Variants in FGF14 observed in about 807,000 individuals in gnomAD.
FGF14 encodes the protein fibroblast growth factor homologous factor 4.
A neutral mutation model predicts 25.5 loss-of-function variants in FGF14; 5 were observed. That is an observed-to-expected ratio of 0.20 (90% CI 0.10 to 0.41). FGF14 has a LOEUF of 0.41. Among genes scored for constraint, FGF14 ranks in the 10% least tolerant of loss-of-function variants. The pLI, the probability that FGF14 is intolerant of heterozygous loss-of-function variation, is 1.00. For synonymous variants in FGF14, 138 were observed against 118.3 expected, an observed-to-expected ratio of 1.17 and a Z score of -1.08; for missense variants, 222 against 320.1, an observed-to-expected ratio of 0.69 and a Z score of 2.34.
intron 1 of FGF14, among the ~76,000 whole-genome samples, chr13:102,134,790 T>C (rs946711649): frequency 6.6e-6 from 1 of 152,230 alleles, no homozygotes; most frequent in Non-Finnish European, 1.5e-5. Flanking sequence ...AAGGATTTTT[T>C]AATTAAACAA....
chr13:102,032,012 G>A (rs2041236795), intron 1 of FGF14, among the ~76,000 whole-genome samples: 1 of 152,044 alleles, frequency 6.6e-6, no homozygotes, highest in Non-Finnish European at 1.5e-5. Context: ...AAAATGATGA[G>A]GGGATGTTGA....
chr13:101,993,574 T>C (rs778610063), intron 1 of FGF14, among the ~76,000 whole-genome samples: 2 of 151,990 alleles, frequency 1.3e-5, no homozygotes, highest in Non-Finnish European at 2.9e-5. Context: ...GCAGGAGAGA[T>C]TGGAAATACT....
chr13:102,223,945 T>A (rs2050724852), intron 1 of FGF14, among the ~76,000 whole-genome samples: 1 of 152,166 alleles, frequency 6.6e-6, no homozygotes, highest in Non-Finnish European at 1.5e-5. Flanking sequence ...AATAACATAA[T>A]GGTAATAAGA....
At chr13:102,387,418 A>G (rs1305028408) in intron 1 of FGF14, among the ~76,000 whole-genome samples, 1 of 152,158 alleles carries the variant, frequency 6.6e-6, no homozygotes, top group African/African-American at 2.4e-5. Flanking sequence ...AAAACATATG[A>G]TCAACACTAG....
rs915250590 is a variant in FGF14, at chr13:102,273,411, G to T, written c.208+128060C>A. 7.2e-5 allele frequency among the ~76,000 whole-genome samples: 11 copies of T among 152,288 alleles called. 1 individual carries two copies. Among genetic ancestry groups the T allele is most frequent in the African/African-American group, 2.4e-4 (10 of 41,568 alleles). ...TCTGAAGACTCGCCACCTGTTCAGAGGTTTGCTTTTCAGAAGATTTGGAAT... is the reference window on the plus strand; with the variant it reads ...TCTGAAGACTCGCCACCTGTTCAGATGTTTGCTTTTCAGAAGATTTGGAAT... On this transcript the variant is annotated intron_variant, in intron 1 of 4. Transcript: ENST00000376131.
intron 1 of FGF14, chr13:102,373,732 G>C (rs964536409): frequency 6.6e-6 from 1 of 152,098 alleles, no homozygotes; most frequent in African/African-American, 2.4e-5. Flanking sequence ...TGAATAAATG[G>C]AATAAACACA....
intron 1 of FGF14, among the ~76,000 whole-genome samples, chr13:101,990,602 G>A (rs2493574): frequency 0.5 from 75,845 of 151,870 alleles, 22,426 homozygotes; most frequent in African/African-American, 0.81. Context: ...GGTTTAAAAA[G>A]ATGGCCATCT....
chr13:101,915,279 G>T (rs947168988), intron 1 of FGF14, among the ~76,000 whole-genome samples: 1 of 152,174 alleles, frequency 6.6e-6, no homozygotes, highest in Non-Finnish European at 1.5e-5. Context: ...ATTTGCAAAT[G>T]TAAGGACACG....
intron 1 of FGF14, chr13:102,292,820 G>A (rs993472938): frequency 6.6e-6 from 1 of 152,170 alleles, no homozygotes; most frequent in Non-Finnish European, 1.5e-5. Flanking sequence ...GAACACAGTG[G>A]GCCATAGCCA....
intron 1 of FGF14, among the ~76,000 whole-genome samples, chr13:102,121,736 CG>C (rs1335367585): frequency 6.6e-6 from 1 of 152,072 alleles, no homozygotes; most frequent in Non-Finnish European, 1.5e-5. Context: ...AAATTGAGGA[CG>C]GGAATGTCAG....
chr13:102,236,331 G>A (rs2051326849), intron 1 of FGF14, among the ~76,000 whole-genome samples: 1 of 152,124 alleles, frequency 6.6e-6, no homozygotes, highest in Non-Finnish European at 1.5e-5. Context: ...ATGAGAACAG[G>A]AAAAAATGAT....
chr13:102,346,188 G>C (rs1380623037), intron 1 of FGF14, among the ~76,000 whole-genome samples: 4 of 151,984 alleles, frequency 2.6e-5, no homozygotes, highest in Non-Finnish European at 5.9e-5. Flanking sequence ...TCAGCTTCAG[G>C]ATTCAAAAAT....
chr13:101,930,977 G>C (rs1052634776), intron 1 of FGF14, among the ~76,000 whole-genome samples: 3 of 152,246 alleles, frequency 2.0e-5, no homozygotes, highest in Non-Finnish European at 4.4e-5. Context: ...GAGATGGCTT[G>C]TGTTTTAGCA....
rs9582557 is a variant in FGF14, at chr13:102,155,831, C to A, written c.208+245640G>T. ...ATAAAAAATGATAAAGGGGATATCA[C>A]CACCGATCCCACAGAAATACAAACT... On this transcript the variant is annotated intron_variant, in intron 1 of 4. Transcript: ENST00000376131. Among the ~76,000 whole-genome samples the A allele has an allele frequency of 3.8e-3, 571 of 152,134 alleles. 6 individuals carry two copies. The highest frequency in any genetic ancestry group is 0.012 in the African/African-American group (501 of 41,504).
At chr13:102,308,902 G>A (rs1424683355) in intron 1 of FGF14, among the ~76,000 whole-genome samples, 1 of 138,614 alleles carries the variant, frequency 7.2e-6, no homozygotes, top group African/African-American at 2.8e-5. Flanking sequence ...TATGAACTAG[G>A]AGGGTTTCTT....
chr13:101,853,691 A>T (rs1397038804), intron 3 of FGF14, among the ~76,000 whole-genome samples: 1 of 151,962 alleles, frequency 6.6e-6, no homozygotes, highest in Non-Finnish European at 1.5e-5. Context: ...CCTATCCTCA[A>T]GTGATCCTCC....
chr13:102,260,528 G>A (rs1315222057), intron 1 of FGF14, among the ~76,000 whole-genome samples: 2 of 152,224 alleles, frequency 1.3e-5, no homozygotes, highest in Non-Finnish European at 2.9e-5. Context: ...GATTTCCTCT[G>A]CAAACCTGCA....
At chr13:101,820,806 A>ACACACC (rs1262447164) in intron 3 of FGF14, among the ~76,000 whole-genome samples, 2 of 83,832 alleles carry the variant, frequency 2.4e-5, no homozygotes, top group African/African-American at 3.7e-5. Context: ...ACACACACAC[A>ACACACC]ACACACACAC....
chr13:102,109,095 G>GAA (rs2045082357), intron 1 of FGF14, among the ~76,000 whole-genome samples: 8 of 74,272 alleles, frequency 1.1e-4, no homozygotes, highest in Admixed American at 5.6e-4. Flanking sequence ...CATATTTCTA[G>GAA]AGAGGTCTTT....
Sources: allele counts gnomAD v4.1 joint callset (sites outside exome capture counted in the v4.1 genomes callset), GRCh38; gene constraint gnomAD v4.1.1; transcripts MANE v1.5; gene names NCBI Gene and HGNC (gene_info 2026-07-23, HGNC 2026-07-21).